EGFR: variants seen among roughly 807,000 people sequenced by gnomAD.
The protein encoded by EGFR is epidermal growth factor receptor.
A neutral mutation model predicts 143.0 loss-of-function variants in EGFR; 58 were observed. The ratio of observed to expected loss-of-function variants is 0.41; its 90% CI spans 0.33 to 0.50. EGFR has a LOEUF of 0.50. Among genes scored for constraint, EGFR ranks in the 20% least tolerant of loss-of-function variants. EGFR has a pLI of 0.39. For missense variants in EGFR, 1,307 were observed against 1,579.0 expected (o/e 0.83, Z 2.92); for synonymous variants, 613 against 594.4 (o/e 1.03, Z -0.45).
chr7:55,088,747 G>A (rs983036347), intron 1 of EGFR, among the ~76,000 whole-genome samples: 3 of 152,148 alleles, frequency 2.0e-5, no homozygotes, highest in African/African-American at 7.2e-5. Context: ...TGGAATGAAA[G>A]GCCTTCGCAA....
At chr7:55,148,508 G>A (rs1364683045) in intron 4 of EGFR, among the ~76,000 whole-genome samples, 2 of 152,110 alleles carry the variant, frequency 1.3e-5, no homozygotes, top group African/African-American at 4.8e-5. Context: ...CAAAAAATAA[G>A]ACAGTAAGAA....
rs1562810543 is a variant in EGFR, at chr7:55,205,397, A to G, written c.3413A>G (p.Tyr1138Cys). ...PHSTAVGNPE[Y>C]LNTVQPTCVN... is the part of the protein sequence containing the mutation. ...AGCACTGCAGTGGGCAACCCCGAGT[A>G]TCTCAACACTGTCCAGCCCACCTGT... The change falls in exon 28 of 28, where the codon TAT becomes TGT. Residue 1138 changes from tyrosine to cysteine, a missense_variant. Physicochemically the swap from Tyr to Cys is radical, Grantham distance 194 (BLOSUM62 -2). Around this residue, in one of 7 missense-constraint regions of EGFR, gnomAD observed 313 missense variants for 312.3 expected, o/e 1.00. Coordinates refer to ENST00000275493, the MANE Select transcript of EGFR (RefSeq NM_005228.5). 1.2e-6 allele frequency: 2 copies of G among 1,614,160 alleles called. No individual in the cohort carries two copies. The highest frequency in any genetic ancestry group is 2.2e-5 in the South Asian group (2 of 91,070).
At chr7:55,091,891 C>CACA (rs1562706309) in intron 1 of EGFR, among the ~76,000 whole-genome samples, 1 of 135,270 alleles carries the variant, frequency 7.4e-6, no homozygotes, top group South Asian at 2.3e-4. Flanking sequence ...CACACACACA[C>CACA]CCTGAGAGAG....
intron 1 of EGFR, among the ~76,000 whole-genome samples, chr7:55,036,273 G>GGT (rs1787570951): frequency 2.9e-5 from 1 of 34,730 alleles, no homozygotes; most frequent in South Asian, 1.9e-3. Flanking sequence ...TGTGTGTGTG[G>GGT]GGGGGGGGGG....
At chr7:55,199,172 T>C (rs1161100354) in intron 23 of EGFR, among the ~76,000 whole-genome samples, 2 of 152,232 alleles carry the variant, frequency 1.3e-5, no homozygotes, top group African/African-American at 4.8e-5. Flanking sequence ...AGTTGCCCTA[T>C]ATTTTGAAGC....
chr7:55,163,710 G>A lies in EGFR; in HGVS notation c.1632-23G>A, dbSNP rs185028309. On this transcript the variant is annotated intron_variant, in intron 13 of 27. Coordinates refer to ENST00000275493, the MANE Select transcript of EGFR (RefSeq NM_005228.5). ...AATAATGTCTCAGGGGTGGGCTGAC[G>A]GGTTTCCTCTTCCTCCTCTCAGTGA... 9.3e-6 allele frequency: 15 copies of A among 1,608,684 alleles called. No homozygotes were observed. The East Asian group carries it at 2.0e-4, about 22-fold the overall frequency.
chr7:55,142,564 A>G (rs1794519634), intron 2 of EGFR, 127 bp downstream of exon 2: 1 of 1,221,482 alleles, frequency 8.2e-7, no homozygotes, highest in East Asian at 2.4e-5. Flanking sequence ...ACAGAGCTAC[A>G]AACGAGAGTT....
At chr7:55,131,917 G>A (rs774583689) in intron 1 of EGFR, among the ~76,000 whole-genome samples, 67 of 149,026 alleles carry the variant, frequency 4.5e-4, no homozygotes, top group Non-Finnish European at 7.7e-4. Context: ...AGGGACAAGC[G>A]CAGGGAGCAT....
chr7:55,178,573 C>T (rs1280747081), intron 19 of EGFR, among the ~76,000 whole-genome samples: 8 of 152,126 alleles, frequency 5.3e-5, no homozygotes, highest in Admixed American at 4.6e-4. Flanking sequence ...TCAGGTGGGC[C>T]GTTCACCTCG....
In EGFR at chr7:55,165,334, A is replaced by C. The variant is rs371483915; in HGVS notation, c.1777A>C (p.Lys593Gln). 1 of 1,614,190 alleles carries C rather than the reference A, an allele frequency of 6.2e-7. No homozygotes were observed. The highest frequency in any genetic ancestry group is 8.5e-7 in the Non-Finnish European group (1 of 1,180,032). ...CTACATTGACGGCCCCCACTGCGTC[A>C]AGACCTGCCCGGCAGGAGTCATGGG... ...AHYIDGPHCV[K>Q]TCPAGVMGEN... Residue 593 changes from lysine to glutamine, a missense_variant, in exon 15 of 28, where the codon AAG (lysine) becomes CAG (glutamine). Lys to Gln is a moderately conservative substitution (Grantham distance 53). Transcript: ENST00000275493.
At chr7:55,036,269 T>G (rs1407960059) in intron 1 of EGFR, among the ~76,000 whole-genome samples, 2 of 16,832 alleles carry the variant, frequency 1.2e-4, no homozygotes, top group Non-Finnish European at 1.7e-4. Context: ...TTTGTGTGTG[T>G]GTGGGGGGGG....
intron 1 of EGFR, among the ~76,000 whole-genome samples, chr7:55,118,749 C>A (rs995696547): frequency 6.6e-5 from 10 of 152,148 alleles, no homozygotes; most frequent in Middle Eastern, 3.4e-3. Context: ...AGAAGTGTCC[C>A]AGGGCGGGCG....
chr7:55,130,327 G>C (rs994675177), intron 1 of EGFR, among the ~76,000 whole-genome samples: 2 of 152,226 alleles, frequency 1.3e-5, no homozygotes, highest in Non-Finnish European at 2.9e-5. Flanking sequence ...AGAAACAGGA[G>C]TGCGGCCCTA....
At position 55,205,632 on chromosome 7, in the gene EGFR, A is replaced by G. The variant is rs2128975740; in HGVS notation, c.*15A>G. On this transcript the variant is annotated 3_prime_UTR_variant, in exon 28 of 28. Coordinates refer to ENST00000275493, the MANE Select transcript of EGFR (RefSeq NM_005228.5). ...TTGGAGCATGACCACGGAGGATAGT[A>G]TGAGCCCTAAAAATCCAGACTCTTT... is the stretch of plus-strand genomic sequence containing the variant. The G allele has an allele frequency of 1.9e-6, 3 of 1,614,180 alleles. No homozygotes were observed. The highest frequency in any genetic ancestry group is 2.5e-6 in the Non-Finnish European group (3 of 1,180,036).
Position 55,205,407 on chromosome 7 carries a change from T to A in EGFR, c.3423T>A (p.Thr1141=), listed in dbSNP as rs781668422. The change falls in exon 28 of 28, where the codon ACT becomes ACA. Residue 1141 remains threonine (T), a synonymous_variant. Transcript: ENST00000275493. ...TAVGNPEYLN[T]VQPTCVNSTF... is the part of the protein sequence containing the mutation. ...TGGGCAACCCCGAGTATCTCAACAC[T>A]GTCCAGCCCACCTGTGTCAACAGCA... The A allele has an allele frequency of 6.8e-6, 11 of 1,614,060 alleles. No homozygotes were observed. Among genetic ancestry groups the A allele is most frequent in the Non-Finnish European group, 9.3e-6 (11 of 1,180,002 alleles).
chr7:55,189,775 G>A (rs1199496596), intron 20 of EGFR, among the ~76,000 whole-genome samples: 2 of 152,198 alleles, frequency 1.3e-5, no homozygotes, highest in Non-Finnish European at 2.9e-5. Flanking sequence ...AACGAACAGG[G>A]TAGAAAGAAA....
At chr7:55,134,427 C>A (rs926535631) in intron 1 of EGFR, among the ~76,000 whole-genome samples, 2 of 152,262 alleles carry the variant, frequency 1.3e-5, no homozygotes, top group African/African-American at 4.8e-5. Context: ...GGTTCAGTTC[C>A]AGGTAAATCA....
At chr7:55,129,987 G>A (rs542547899) in intron 1 of EGFR, among the ~76,000 whole-genome samples, 34 of 152,314 alleles carry the variant, frequency 2.2e-4, no homozygotes, top group African/African-American at 7.7e-4. Context: ...ATGACTATAT[G>A]TATTTGCTTA....
At chr7:55,080,205 T>C (rs1790384216) in intron 1 of EGFR, among the ~76,000 whole-genome samples, 1 of 152,126 alleles carries the variant, frequency 6.6e-6, no homozygotes, top group South Asian at 2.1e-4. Flanking sequence ...TTTTTTTGCC[T>C]GTGATGTTCA....
Sources: gnomAD v4.1 joint callset for allele counts (sites outside exome capture counted in the v4.1 genomes callset) on GRCh38, gnomAD v4.1.1 for gene constraint, gnomAD v4.1.1 regional missense constraint, MANE v1.5 for transcripts, NCBI Gene and HGNC (gene_info 2026-07-23, HGNC 2026-07-21) for gene names.